QRFPR: variants seen among roughly 807,000 people sequenced by gnomAD.
QRFPR encodes the protein pyroglutamylated RF-amide peptide receptor.
A neutral mutation model predicts 31.3 loss-of-function variants in QRFPR; 37 were observed. The observed-to-expected ratio is 1.18, with a 90% CI of 0.91 to 1.56. The LOEUF is 1.56. Ranked by LOEUF, QRFPR falls within the 40% of genes most tolerant of loss-of-function variation. The pLI, the probability that QRFPR is intolerant of heterozygous loss-of-function variation, is 0.00. For synonymous variants in QRFPR, 197 were observed against 192.0 expected, an observed-to-expected ratio of 1.03 and a Z score of -0.22; for missense variants, 542 against 532.5, an observed-to-expected ratio of 1.02 and a Z score of -0.18.
chr4:121,374,352 A>C (rs966805943), intron 1 of QRFPR, among the ~76,000 whole-genome samples: 1 of 152,212 alleles, frequency 6.6e-6, no homozygotes, highest in African/African-American at 2.4e-5. Context: ...GAGCTGGTAC[A>C]TGGGGTAGGC....
At chr4:121,349,632 A>C (rs2110473962) in intron 1 of QRFPR, among the ~76,000 whole-genome samples, 1 of 152,270 alleles carries the variant, frequency 6.6e-6, no homozygotes, top group Admixed American at 6.5e-5. Context: ...TGAAAATGAG[A>C]TATTCTATGT....
intron 4 of QRFPR, among the ~76,000 whole-genome samples, chr4:121,331,063 C>T (rs926557040): frequency 4.0e-5 from 6 of 149,686 alleles, no homozygotes; most frequent in African/African-American, 1.5e-4. Flanking sequence ...TCCAGAAGTT[C>T]AACACCAGCC....
intron 1 of QRFPR, among the ~76,000 whole-genome samples, chr4:121,344,084 A>G (rs960371183): frequency 1.3e-5 from 2 of 152,240 alleles, no homozygotes; most frequent in African/African-American, 4.8e-5. Context: ...AGGCAGCCCT[A>G]TTAAAAGAAT....
chr4:121,335,978 T>C (rs1364351508), intron 3 of QRFPR, among the ~76,000 whole-genome samples: 1 of 151,824 alleles, frequency 6.6e-6, no homozygotes, highest in Non-Finnish European at 1.5e-5. Context: ...ATTCAACAAA[T>C]TAGTTACATG....
intron 1 of QRFPR, among the ~76,000 whole-genome samples, chr4:121,354,128 G>A (rs10022313): frequency 0.028 from 4,289 of 152,130 alleles, 212 homozygotes; most frequent in African/African-American, 0.096. Flanking sequence ...AGTATAATTC[G>A]AAGTCAGATC....
intron 1 of QRFPR, among the ~76,000 whole-genome samples, chr4:121,348,117 GCTGT>G (rs1437728815): frequency 1.3e-5 from 2 of 152,038 alleles, no homozygotes; most frequent in African/African-American, 2.4e-5. Context: ...CTAGAATTGG[GCTGT>G]CTGAGTTTGA....
At chr4:121,340,270 T>A in intron 2 of QRFPR, 182 bp downstream of exon 2, 1 of 624,378 alleles carries the variant, frequency 1.6e-6, no homozygotes, top group Non-Finnish European at 2.8e-6. Context: ...AGTTTTGAGG[T>A]CAGCCTAAAA....
chr4:121,329,545 G>T lies in QRFPR; in HGVS notation c.1065C>A (p.Thr355=). 1 of 1,613,606 alleles carries T rather than the reference G, an allele frequency of 6.2e-7. No homozygotes were observed. Among genetic ancestry groups the T allele is most frequent in the South Asian group, 1.1e-5 (1 of 90,948 alleles). Residue 355 remains threonine, a synonymous_variant, in exon 6 of 6, where the codon ACC becomes ACA. Transcript: ENST00000394427. The part of the protein sequence containing the change: ...SAVCYCIVNK[T]FSPAQRHGNS... Reference sequence around the variant, plus strand: ...TTCCATGCCTTTGTGCTGGAGAGAAGGTTTTATTTACTATGCAATAACAAA... The same window carrying T: ...TTCCATGCCTTTGTGCTGGAGAGAATGTTTTATTTACTATGCAATAACAAA...
rs1579589661 is a variant in QRFPR at position 121,369,327 on chromosome 4, C to A, written c.340+10981G>T. The A allele has an allele frequency of 1.6e-5, 9 of 578,608 alleles. No individual in the cohort carries two copies. In the East Asian group the frequency reaches 2.2e-4, roughly 14 times the overall value. 35.8% of individuals were successfully genotyped at this position (578,608 alleles called of 1,614,324 possible). On this transcript the variant is annotated intron_variant, in intron 1 of 5. Coordinates refer to ENST00000394427, the MANE Select transcript of QRFPR (RefSeq NM_198179.3). ...TACAGGCGTGAGCCACTGTGCCCAG[C>A]TGATTAAGTTTTTAAATATACCTTT...
chr4:121,350,281 A>T lies in QRFPR; in HGVS notation c.341-9671T>A, dbSNP rs1463339980. 2.0e-5 allele frequency among the ~76,000 whole-genome samples: 3 copies of T among 152,168 alleles called. No homozygotes were observed. The South Asian group carries it at 6.2e-4, about 32-fold the overall frequency. On this transcript the variant is annotated intron_variant, in intron 1 of 5. Coordinates refer to ENST00000394427, the MANE Select transcript of QRFPR (RefSeq NM_198179.3). Reference sequence around the variant, plus strand: ...AGAATTTTTGGCACAGTGTTAGAAGAGTCAGGCACTCACAGTCCACCAAGT... The same window carrying T: ...AGAATTTTTGGCACAGTGTTAGAAGTGTCAGGCACTCACAGTCCACCAAGT...
In QRFPR at chr4:121,364,582, G is replaced by A. The variant is rs946062221; in HGVS notation, c.340+15726C>T. On this transcript the variant is annotated intron_variant, in intron 1 of 5. Transcript: ENST00000394427. ...GTGAACCTGGGAGGCGGAGCTTGCT[G>A]TGAGCCGAGATTGCGCCACTGCACT... is the stretch of plus-strand genomic sequence containing the variant. 3.4e-5 allele frequency among the ~76,000 whole-genome samples: 5 copies of A among 148,936 alleles called. 1 individual carries two copies. Among genetic ancestry groups the A allele is most frequent in the African/African-American group, 1.0e-4 (4 of 40,170 alleles).
At chr4:121,374,910 T>C (rs186679895) in intron 1 of QRFPR, among the ~76,000 whole-genome samples, 20 of 152,288 alleles carry the variant, frequency 1.3e-4, no homozygotes, top group Admixed American at 1.3e-3. Flanking sequence ...TAGAAAATTC[T>C]TTTCACTGCC....
chr4:121,343,341 A>G (rs758696599), intron 1 of QRFPR, among the ~76,000 whole-genome samples: 1 of 152,218 alleles, frequency 6.6e-6, no homozygotes, highest in Non-Finnish European at 1.5e-5. Flanking sequence ...ATGTACTTAG[A>G]TATCACTCTA....
chr4:121,374,265 G>A (rs927319155), intron 1 of QRFPR, among the ~76,000 whole-genome samples: 3 of 152,158 alleles, frequency 2.0e-5, no homozygotes, highest in Non-Finnish European at 4.4e-5. Flanking sequence ...TTGGACTCCA[G>A]TTAATATAAT....
chr4:121,336,675 A>G, intron 3 of QRFPR, 132 bp downstream of exon 3: 1 of 758,144 alleles, frequency 1.3e-6, no homozygotes, highest in Non-Finnish European at 2.4e-6. Flanking sequence ...ATTCCACTTA[A>G]AAGACCTCCA....
chr4:121,347,928 G>A (rs981755370), intron 1 of QRFPR, among the ~76,000 whole-genome samples: 1 of 152,050 alleles, frequency 6.6e-6, no homozygotes, highest in African/African-American at 2.4e-5. Flanking sequence ...AGATCCTTGT[G>A]AATATATTTA....
intron 1 of QRFPR, among the ~76,000 whole-genome samples, chr4:121,356,103 A>AT (rs35697057): frequency 1.3e-5 from 2 of 152,198 alleles, no homozygotes; most frequent in South Asian, 2.1e-4. Flanking sequence ...CAAGTCTGAC[A>AT]TTTTTTTGGT....
intron 1 of QRFPR, among the ~76,000 whole-genome samples, chr4:121,368,704 G>A (rs1333637231): frequency 7.3e-6 from 1 of 136,668 alleles, no homozygotes; most frequent in African/African-American, 2.8e-5. Context: ...AACAGGGCCA[G>A]AGTCGTCTCA....
chr4:121,350,341 C>T (rs1019683690), intron 1 of QRFPR, among the ~76,000 whole-genome samples: 1 of 152,126 alleles, frequency 6.6e-6, no homozygotes, highest in African/African-American at 2.4e-5. Context: ...TTTGTTTAGT[C>T]CCCATATTAT....
Sources: gnomAD v4.1 joint callset for allele counts (sites outside exome capture counted in the v4.1 genomes callset) on GRCh38, gnomAD v4.1.1 for gene constraint, MANE v1.5 for transcripts, NCBI Gene and HGNC (gene_info 2026-07-23, HGNC 2026-07-21) for gene names.